The following DSCAML1 variants were observed in gnomAD, a reference collection of about 807,000 sequenced individuals.
The protein encoded by DSCAML1 is DS cell adhesion molecule like 1, also known as cell adhesion molecule DSCAML1.
Under a neutral mutation model 200.5 loss-of-function variants are expected in DSCAML1, and 38 were observed. That is an observed-to-expected ratio of 0.19 (90% confidence interval 0.15 to 0.25). DSCAML1 has a LOEUF of 0.25. Ranked by LOEUF, DSCAML1 falls within the 10% of genes least tolerant of loss-of-function variation. DSCAML1 has a pLI of 1.00. For missense variants in DSCAML1, 2,223 were observed against 2,858.8 expected, an observed-to-expected ratio of 0.78 and a Z score of 5.07; for synonymous variants, 1,215 against 1,165.0, an observed-to-expected ratio of 1.04 and a Z score of -0.87.
At chr11:117,617,380 T>C (rs2051830191) in intron 3 of DSCAML1, among the ~76,000 whole-genome samples, 2 of 152,136 alleles carry the variant, frequency 1.3e-5, no homozygotes, top group South Asian at 4.1e-4. Flanking sequence ...AGTATGCATG[T>C]TGTGGTATTT....
At chr11:117,486,687 C>T (rs61905308) in intron 11 of DSCAML1, among the ~76,000 whole-genome samples, 15,463 of 152,100 alleles carry the variant, frequency 0.1, 935 homozygotes, top group East Asian at 0.19. Flanking sequence ...GTACAAGTTA[C>T]TGGCTTCAGG....
In DSCAML1 at chr11:117,503,293, G is replaced by T. The variant is rs890340096; in HGVS notation, c.2359+552C>A. ...TGCAGGACTCACAACAATTTTGTGAGATCAGTGGGCTGGGAAGGGAACCCT... is the reference window on the plus strand; with the variant it reads ...TGCAGGACTCACAACAATTTTGTGATATCAGTGGGCTGGGAAGGGAACCCT... On this transcript the variant is annotated intron_variant, in intron 11 of 32. Transcript: ENST00000651296. The surrounding 1 kb of genome is among the most constrained non-coding windows in gnomAD (Gnocchi z 5.2). Among the ~76,000 whole-genome samples the T allele has an allele frequency of 5.9e-5, 9 of 152,118 alleles. No homozygotes were observed. The highest frequency in any genetic ancestry group is 1.0e-4 in the Non-Finnish European group (7 of 68,030).
At position 117,687,426 on chromosome 11, in the gene DSCAML1, A is replaced by ATTTTTTTTTT. The variant is rs71037492; in HGVS notation, c.511+89355_511+89364dup. Among the ~76,000 whole-genome samples the ATTTTTTTTTT allele has an allele frequency of 7.6e-3, 744 of 97,620 alleles. 31 individuals are homozygous for ATTTTTTTTTT. The highest frequency in any genetic ancestry group is 9.9e-3 in the Non-Finnish European group (507 of 51,468). The allele number at this position is 97,620 out of a possible 152,430, so 64.0% of individuals were successfully genotyped here. On this transcript the variant is annotated intron_variant, in intron 3 of 32. Transcript: ENST00000651296. ...CAGGTGTGCTCCACCATGCCTGGCT[A>ATTTTTTTTTT]TTTTTTTTTTTTTTTTTTTTTTAGA...
At chr11:117,695,222 C>T (rs893151774) in intron 3 of DSCAML1, among the ~76,000 whole-genome samples, 6 of 151,612 alleles carry the variant, frequency 4.0e-5, no homozygotes, top group African/African-American at 9.7e-5. Context: ...ATTAGGGATG[C>T]GAGAAAGGCA....
intron 32 of DSCAML1, 139 bp from the exon 33 acceptor site, chr11:117,428,942 G>T (rs2047726481): frequency 8.3e-6 from 6 of 724,776 alleles, no homozygotes; most frequent in Non-Finnish European, 1.3e-5. Flanking sequence ...GCAATAAAGA[G>T]TAGCGGAAAG....
intron 3 of DSCAML1, among the ~76,000 whole-genome samples, chr11:117,694,004 C>A (rs2053541602): frequency 6.7e-6 from 1 of 150,108 alleles, no homozygotes; most frequent in Admixed American, 6.7e-5. Flanking sequence ...TGAAGTGTGG[C>A]TTTGTGTAGC....
chr11:117,795,299 C>T (rs562611240), intron 1 of DSCAML1, among the ~76,000 whole-genome samples: 2 of 152,126 alleles, frequency 1.3e-5, no homozygotes, highest in Admixed American at 1.3e-4. Context: ...TGACAAATTG[C>T]GAAAGGGGAT....
chr11:117,755,842 A>C (rs1212629422), intron 3 of DSCAML1, among the ~76,000 whole-genome samples: 1 of 152,040 alleles, frequency 6.6e-6, no homozygotes, highest in Non-Finnish European at 1.5e-5. Context: ...CATTGAGATG[A>C]GACATTGCAC....
intron 3 of DSCAML1, among the ~76,000 whole-genome samples, chr11:117,555,734 G>A (rs973010812): frequency 1.3e-5 from 2 of 152,136 alleles, no homozygotes; most frequent in Non-Finnish European, 2.9e-5. Context: ...CCAGAGAGGA[G>A]CCTGCCTTTT....
At chr11:117,698,623 G>A (rs1386591413) in intron 3 of DSCAML1, among the ~76,000 whole-genome samples, 1 of 152,148 alleles carries the variant, frequency 6.6e-6, no homozygotes, top group Non-Finnish European at 1.5e-5. Flanking sequence ...TTTAATGGGT[G>A]TGAAGTGGCA....
At chr11:117,664,220 G>C (rs185947971) in intron 3 of DSCAML1, among the ~76,000 whole-genome samples, 7 of 152,362 alleles carry the variant, frequency 4.6e-5, no homozygotes, top group Admixed American at 4.6e-4. Context: ...CAGAGAACCC[G>C]AGGCCTAGAC....
At chr11:117,655,265 G>A (rs1941389) in intron 3 of DSCAML1, among the ~76,000 whole-genome samples, 2,958 of 152,340 alleles carry the variant, frequency 0.019, 104 homozygotes, top group African/African-American at 0.067. Flanking sequence ...AGGCAGAAGA[G>A]GGCTGGCTAT....
chr11:117,531,605 C>T (rs1034241215), intron 4 of DSCAML1, among the ~76,000 whole-genome samples: 11 of 152,082 alleles, frequency 7.2e-5, no homozygotes, highest in Non-Finnish European at 1.0e-4. Flanking sequence ...ATCCTCAGGC[C>T]GGGCGCAGTG....
At chr11:117,640,602 C>A (rs2052387471) in intron 3 of DSCAML1, among the ~76,000 whole-genome samples, 1 of 152,174 alleles carries the variant, frequency 6.6e-6, no homozygotes, top group Non-Finnish European at 1.5e-5. Context: ...GTCAGAAAAT[C>A]CCATTGATTC....
chr11:117,485,461 G>GA (rs2137230751), intron 11 of DSCAML1, among the ~76,000 whole-genome samples: 1 of 152,346 alleles, frequency 6.6e-6, no homozygotes, highest in East Asian at 1.9e-4. Flanking sequence ...AGGAAGAGGA[G>GA]AGAAGCTTGA....
intron 3 of DSCAML1, among the ~76,000 whole-genome samples, chr11:117,696,169 G>T (rs1045276263): frequency 2.0e-5 from 3 of 152,240 alleles, no homozygotes; most frequent in Non-Finnish European, 2.9e-5. Context: ...GACATGGGGA[G>T]ACGGGAGCAA....
At chr11:117,744,677 A>G (rs1446332093) in intron 3 of DSCAML1, among the ~76,000 whole-genome samples, 4 of 152,154 alleles carry the variant, frequency 2.6e-5, no homozygotes, top group African/African-American at 7.2e-5. Flanking sequence ...GTCCACACCA[A>G]CCTTGCCTTT....
chr11:117,595,259 TA>T (rs2051341896), intron 3 of DSCAML1, among the ~76,000 whole-genome samples: 1 of 152,132 alleles, frequency 6.6e-6, no homozygotes, highest in Non-Finnish European at 1.5e-5. Context: ...GGGGGGCTTT[TA>T]AAAAATGTCT....
At chr11:117,574,719 G>T (rs1189595330) in intron 3 of DSCAML1, among the ~76,000 whole-genome samples, 3 of 152,164 alleles carry the variant, frequency 2.0e-5, no homozygotes, top group Admixed American at 6.5e-5. Context: ...TCTGGGCTCT[G>T]CCCCAGCCCT....
Sources: allele counts gnomAD v4.1 joint callset (sites outside exome capture counted in the v4.1 genomes callset), GRCh38; gene constraint gnomAD v4.1.1; non-coding constraint Gnocchi (gnomAD v3.1); transcripts MANE v1.5; gene names NCBI Gene and HGNC (gene_info 2026-07-23, HGNC 2026-07-21).